The following OPCML variants were observed in gnomAD, a reference collection of about 807,000 sequenced individuals.
OPCML encodes the protein opioid binding protein/cell adhesion molecule like, also known as opioid-binding protein/cell adhesion molecule.
A neutral mutation model predicts 37.8 loss-of-function variants in OPCML; 13 were observed. The observed-to-expected ratio is 0.34, with a 90% confidence interval of 0.22 to 0.55. The LOEUF (loss-of-function observed/expected upper bound fraction) is 0.55. Ranked by LOEUF, OPCML falls within the 20% of genes least tolerant of loss-of-function variation. The probability of loss-of-function intolerance (pLI) is 0.91; values close to 1 mark genes in which losing one functional copy is unlikely to be tolerated. For missense variants in OPCML, 341 were observed against 435.6 expected (o/e 0.78, Z 1.93); for synonymous variants, 176 against 168.8 (o/e 1.04, Z -0.33).
chr11:133,235,866 A>G (rs1011467680), intron 1 of OPCML, among the ~76,000 whole-genome samples: 1 of 152,226 alleles, frequency 6.6e-6, no homozygotes, highest in African/African-American at 2.4e-5. Flanking sequence ...CTTTGCCTCA[A>G]CTGTGAAATG....
chr11:132,480,847 C>A (rs2096177386), intron 4 of OPCML, among the ~76,000 whole-genome samples: 1 of 151,650 alleles, frequency 6.6e-6, no homozygotes, highest in Non-Finnish European at 1.5e-5. Flanking sequence ...CCAGCCCTGC[C>A]CTAAAAGAGC....
chr11:132,861,118 G>A (rs1942282755), intron 2 of OPCML, among the ~76,000 whole-genome samples: 1 of 152,158 alleles, frequency 6.6e-6, no homozygotes, highest in Non-Finnish European at 1.5e-5. Flanking sequence ...CACAGATGAA[G>A]GAATCAAAAC....
chr11:133,464,909 G>A (rs780477838), intron 1 of OPCML, among the ~76,000 whole-genome samples: 20 of 152,040 alleles, frequency 1.3e-4, no homozygotes, highest in Admixed American at 5.9e-4. Context: ...CCTTAGACTC[G>A]GGTACCGCAG....
At chr11:133,308,019 G>C (rs1027377490) in intron 1 of OPCML, among the ~76,000 whole-genome samples, 3 of 152,044 alleles carry the variant, frequency 2.0e-5, no homozygotes, top group African/African-American at 7.2e-5. Context: ...GAAAAGACGA[G>C]ATAAGAGCCA....
chr11:133,062,574 A>C (rs537587094), intron 1 of OPCML, among the ~76,000 whole-genome samples: 10 of 152,024 alleles, frequency 6.6e-5, no homozygotes, highest in Non-Finnish European at 1.3e-4. Flanking sequence ...AGAACGTTGC[A>C]CCCTGCTTAG....
chr11:133,084,966 A>G (rs1299027332), intron 1 of OPCML, among the ~76,000 whole-genome samples: 1 of 152,210 alleles, frequency 6.6e-6, no homozygotes, highest in Non-Finnish European at 1.5e-5. Flanking sequence ...TACCTACCAA[A>G]TAAAGATTAA....
At position 132,879,674 on chromosome 11, in the gene OPCML, C is replaced by T. The variant is rs551147533; in HGVS notation, c.146+63252G>A. Among the ~76,000 whole-genome samples, 29 of 152,248 alleles carry T rather than the reference C, an allele frequency of 1.9e-4. No individual in the cohort carries two copies. In the South Asian group the frequency reaches 5.6e-3, roughly 29 times the overall value. ...GCTATTAAAACTCTTGTGAGGAGAACTATAAAGAAACTCCCAGGCAACAGC... is the reference window on the plus strand; with the variant it reads ...GCTATTAAAACTCTTGTGAGGAGAATTATAAAGAAACTCCCAGGCAACAGC... On this transcript the variant is annotated intron_variant, in intron 2 of 7. Transcript: ENST00000524381.
chr11:133,242,299 C>A (rs145334874), intron 1 of OPCML, among the ~76,000 whole-genome samples: 1 of 152,102 alleles, frequency 6.6e-6, no homozygotes, highest in Admixed American at 6.6e-5. Flanking sequence ...GATGAAACAC[C>A]GAGTTAAGTG....
Position 132,688,807 on chromosome 11 carries a change from G to T in OPCML, c.147-31488C>A, listed in dbSNP as rs1435337173. On this transcript the variant is annotated intron_variant, in intron 2 of 7. Coordinates refer to ENST00000524381, the MANE Select transcript of OPCML (RefSeq NM_001012393.5). ...AAAAAAAAAATACAAAAAATTAGCC[G>T]GGCGCGGTGGCGGGCGCCTGTAGTC... Among the ~76,000 whole-genome samples, 23 of 64,720 alleles carry T rather than the reference G, an allele frequency of 3.6e-4. 6 individuals carry two copies. Among genetic ancestry groups the T allele is most frequent in the Non-Finnish European group, 6.3e-4 (20 of 31,864 alleles). The allele number at this position is 64,720 out of a possible 152,430, so 42.5% of individuals were successfully genotyped here. A position where few individuals can be genotyped will look rare whatever the true frequency, so the allele number is the denominator to read the frequency against.
At chr11:133,440,762 T>TTATATATATATATATATATATATATA (rs58808691) in intron 1 of OPCML, among the ~76,000 whole-genome samples, 54 of 126,694 alleles carry the variant, frequency 4.3e-4, no homozygotes, top group African/African-American at 1.8e-3. Flanking sequence ...CCTACAGCAA[T>TTATATATATATATATATATATATATA]TATATATATA....
At chr11:132,917,934 T>C (rs984594466) in intron 2 of OPCML, among the ~76,000 whole-genome samples, 4 of 152,196 alleles carry the variant, frequency 2.6e-5, no homozygotes, top group Non-Finnish European at 5.9e-5. Flanking sequence ...TTTTAATCTA[T>C]GGTGCTCCAT....
chr11:133,281,000 G>A (rs1402363204), intron 1 of OPCML, among the ~76,000 whole-genome samples: 1 of 152,154 alleles, frequency 6.6e-6, no homozygotes, highest in Non-Finnish European at 1.5e-5. Context: ...TCCCAACCTG[G>A]TAGCTCAAGA....
chr11:132,807,165 C>A (rs1002077637), intron 2 of OPCML, among the ~76,000 whole-genome samples: 2 of 152,048 alleles, frequency 1.3e-5, no homozygotes, highest in Non-Finnish European at 2.9e-5. Flanking sequence ...AAAGAAACAA[C>A]AAACATAAGA....
chr11:133,098,148 T>C (rs990492926), intron 1 of OPCML, among the ~76,000 whole-genome samples: 5 of 151,502 alleles, frequency 3.3e-5, no homozygotes, highest in African/African-American at 1.2e-4. Flanking sequence ...AGTCCAACAA[T>C]GTACAGAAAG....
At chr11:132,755,190 T>C (rs1945994532) in intron 2 of OPCML, among the ~76,000 whole-genome samples, 1 of 152,196 alleles carries the variant, frequency 6.6e-6, no homozygotes, top group Non-Finnish European at 1.5e-5. Context: ...TTCATGTAGA[T>C]TGAGCAATTG....
intron 2 of OPCML, among the ~76,000 whole-genome samples, chr11:132,868,867 C>T (rs1341428483): frequency 6.6e-6 from 1 of 152,156 alleles, no homozygotes; most frequent in African/African-American, 2.4e-5. Context: ...TGTCCATGCA[C>T]AAGTGTGTGT....
intron 3 of OPCML, among the ~76,000 whole-genome samples, chr11:132,562,082 T>C (rs1051315614): frequency 6.6e-6 from 1 of 152,214 alleles, no homozygotes; most frequent in African/African-American, 2.4e-5. Context: ...AAGCACTGAC[T>C]GAGCAGAGTC....
intron 1 of OPCML, among the ~76,000 whole-genome samples, chr11:133,237,933 T>C (rs1940582990): frequency 6.6e-6 from 1 of 152,228 alleles, no homozygotes; most frequent in South Asian, 2.1e-4. Flanking sequence ...AGCTACTCTT[T>C]ATTGCGTTAT....
chr11:133,364,324 T>G (rs1302242436), intron 1 of OPCML, among the ~76,000 whole-genome samples: 3 of 152,198 alleles, frequency 2.0e-5, no homozygotes, highest in African/African-American at 4.8e-5. Context: ...TATTTTCATT[T>G]CCCAGATAAA....
Sources: allele counts gnomAD v4.1 joint callset (sites outside exome capture counted in the v4.1 genomes callset), GRCh38; gene constraint gnomAD v4.1.1; transcripts MANE v1.5; gene names NCBI Gene and HGNC (gene_info 2026-07-23, HGNC 2026-07-21).